The following SYBU variants were observed in gnomAD, a reference collection of about 807,000 sequenced individuals.
SYBU encodes the protein syntabulin.
SYBU carries 21 observed loss-of-function variants against 35.9 expected under a neutral mutation model. That is an observed-to-expected ratio of 0.58 (90% CI 0.41 to 0.84). The LOEUF (loss-of-function observed/expected upper bound fraction) is 0.84, where lower values mean the gene tolerates loss of function less well. Ranked by LOEUF, SYBU falls within the 40% of genes least tolerant of loss-of-function variation. The probability of loss-of-function intolerance (pLI) is 0.00; values close to 1 mark genes in which losing one functional copy is unlikely to be tolerated. For synonymous variants in SYBU, 319 were observed against 324.3 expected, an observed-to-expected ratio of 0.98 and a Z score of 0.18; for missense variants, 768 against 848.2, an observed-to-expected ratio of 0.91 and a Z score of 1.17.
At chr8:109,686,925 ATCTC>A (rs1020852646) in intron 1 of SYBU, among the ~76,000 whole-genome samples, 1 of 152,216 alleles carries the variant, frequency 6.6e-6, no homozygotes, top group Middle Eastern at 3.4e-3. Flanking sequence ...TTATTTTGTA[ATCTC>A]TCTCACATCC....
upstream of SYBU, chr8:109,646,999 C>T (rs1815764006): frequency 6.6e-6 from 1 of 152,192 alleles, no homozygotes; most frequent in Admixed American, 6.5e-5. Flanking sequence ...GCCTCTTATT[C>T]CTTTCTCTCC....
chr8:109,651,448 C>CTTT lies in SYBU; in HGVS notation c.-129+29260_-129+29262dup, dbSNP rs535652540. Among the ~76,000 whole-genome samples, 35 of 64,500 alleles carry CTTT rather than the reference C, an allele frequency of 5.4e-4. 4 individuals carry two copies. The highest frequency in any genetic ancestry group is 1.5e-3 in the South Asian group (2 of 1,372). The allele number at this position is 64,500 out of a possible 152,430, so 42.3% of individuals were successfully genotyped here. A position where few individuals can be genotyped will look rare whatever the true frequency, so the allele number is the denominator to read the frequency against. ...GAGTCTCATAGGCCTGAAATTGAGA[C>CTTT]TTTTTTTTTTTTTTTTTTTTTTTTT... On this transcript the variant is annotated intron_variant, in intron 1 of 5. Coordinates refer to the SYBU transcript ENST00000408889.
intron 2 of SYBU, among the ~76,000 whole-genome samples, chr8:109,640,730 G>A (rs1814758898): frequency 7.0e-6 from 1 of 143,050 alleles, no homozygotes; most frequent in Non-Finnish European, 1.5e-5. Flanking sequence ...AAAGAAATAA[G>A]TTTTAAAACA....
chr8:109,668,491 C>G (rs1437121354), intron 1 of SYBU, among the ~76,000 whole-genome samples: 1 of 152,116 alleles, frequency 6.6e-6, no homozygotes, highest in East Asian at 1.9e-4. Flanking sequence ...ACTTGCTTTC[C>G]TTAAAACCTA....
intron 1 of SYBU, among the ~76,000 whole-genome samples, chr8:109,668,565 A>T (rs1184326311): frequency 6.6e-6 from 1 of 152,160 alleles, no homozygotes; most frequent in Non-Finnish European, 1.5e-5. Flanking sequence ...TATGGAGAGT[A>T]GGGGGTAAGG....
intron 6 of SYBU, 48 bp from the exon 7 acceptor site, chr8:109,576,061 A>C (rs774050732): frequency 8.7e-6 from 13 of 1,496,152 alleles, no homozygotes; most frequent in South Asian, 2.7e-5. Flanking sequence ...AAAAAAAAAA[A>C]AAAAAAAAAC....
At position 109,574,773 on chromosome 8, in the gene SYBU, T is replaced by G; in HGVS notation, c.*133A>C. The G allele has an allele frequency of 9.7e-7, 1 of 1,028,768 alleles. No homozygotes were observed. Among genetic ancestry groups the G allele is most frequent in the Non-Finnish European group, 1.4e-6 (1 of 730,312 alleles). 63.7% of individuals were successfully genotyped at this position (1,028,768 alleles called of 1,614,324 possible). The stretch of plus-strand genomic sequence containing the variant: ...TTTTAAACAGTGAACAGGCTTCAAC[T>G]AAATATAGTGCAAATCAAATACCAA... On this transcript the variant is annotated 3_prime_UTR_variant, in exon 7 of 7. Transcript: ENST00000276646.
intron 1 of SYBU, among the ~76,000 whole-genome samples, chr8:109,665,647 G>T (rs1336133569): frequency 1.3e-5 from 2 of 152,154 alleles, no homozygotes; most frequent in Non-Finnish European, 2.9e-5. Context: ...CTATTAATGA[G>T]TTAACGGTCA....
At chr8:109,610,507 G>A (rs974658621) in intron 3 of SYBU, among the ~76,000 whole-genome samples, 6 of 152,240 alleles carry the variant, frequency 3.9e-5, no homozygotes, top group East Asian at 3.9e-4. Flanking sequence ...ATGCCAGTCC[G>A]TGTATGTTGG....
chr8:109,586,339 T>C (rs575326951), intron 3 of SYBU, 177 bp from the exon 4 acceptor site: 1 of 583,666 alleles, frequency 1.7e-6, no homozygotes, highest in African/African-American at 1.9e-5. Flanking sequence ...GAAGGCCCAG[T>C]ACAAGAACAT....
chr8:109,579,054 G>A lies in SYBU; in HGVS notation c.734+745C>T, dbSNP rs139459276. ...CCCTGCTGTAAGAGAGCTGACTGAC[G>A]AGAATAGGGATGCCCAGCAGGAAGA... is the stretch of plus-strand genomic sequence containing the variant. On this transcript the variant is annotated intron_variant, in intron 5 of 6. Transcript: ENST00000276646. Among the ~76,000 whole-genome samples, 36 of 152,240 alleles carry A rather than the reference G, an allele frequency of 2.4e-4. No individual in the cohort carries two copies. In the East Asian group the frequency reaches 5.4e-3, roughly 23 times the overall value.
chr8:109,623,375 T>C lies in SYBU; in HGVS notation c.230-4336A>G, dbSNP rs78810263. Among the ~76,000 whole-genome samples, 625 of 152,322 alleles carry C rather than the reference T, an allele frequency of 4.1e-3. 5 individuals are homozygous for C. The highest frequency in any genetic ancestry group is 4.6e-3 in the African/African-American group (192 of 41,566). On this transcript the variant is annotated intron_variant, in intron 2 of 6. Transcript: ENST00000276646. ...TTCTTTTGTTGTTGTTCTTGTTCAT[T>C]TGCTTAAAATTGGTGAACACACAGG... is the stretch of plus-strand genomic sequence containing the variant.
chr8:109,648,856 A>G (rs907939833), upstream of SYBU: 4 of 151,896 alleles, frequency 2.6e-5, no homozygotes, highest in Non-Finnish European at 5.9e-5. Flanking sequence ...GTCACGAAGG[A>G]AAGAAACTGC....
At chr8:109,577,787 T>C (rs1447908690) in intron 6 of SYBU, 81 bp downstream of exon 6, 31 of 1,398,492 alleles carry the variant, frequency 2.2e-5, no homozygotes, top group Middle Eastern at 3.7e-4. Flanking sequence ...CTTTTCTATC[T>C]TTCTATAGTT....
At chr8:109,689,755 A>G (rs1450385404) in intron 1 of SYBU, among the ~76,000 whole-genome samples, 1 of 148,866 alleles carries the variant, frequency 6.7e-6, no homozygotes, top group Non-Finnish European at 1.5e-5. Context: ...CCCTCATCCC[A>G]TCTCCAAACC....
intron 1 of SYBU, among the ~76,000 whole-genome samples, chr8:109,676,784 A>T (rs1296762920): frequency 6.6e-6 from 1 of 152,236 alleles, no homozygotes; most frequent in Admixed American, 6.5e-5. Context: ...ATGATTAAAA[A>T]TGACTTAAAT....
intron 1 of SYBU, among the ~76,000 whole-genome samples, chr8:109,658,397 C>T (rs991248671): frequency 6.6e-6 from 1 of 152,166 alleles, no homozygotes; most frequent in Admixed American, 6.5e-5. Context: ...TCTCAATTCA[C>T]GAAGACAAAC....
At chr8:109,684,034 G>A (rs370697760), upstream of SYBU, among the ~76,000 whole-genome samples, 5 of 152,292 alleles carry the variant, frequency 3.3e-5, no homozygotes, top group East Asian at 9.6e-4. Flanking sequence ...CCCAGTCTCA[G>A]ATATGTCTTT....
Position 109,577,979 on chromosome 8 carries a change from C to CCATG in SYBU, c.769_772dup (p.Gly258AlafsTer33). ...CTGCTCTGGGTTTGGGGGTCTGACA[C>CCATG]CATGATTTTCACCGCAAGACATGTA... On this transcript the variant is annotated frameshift_variant, in exon 6 of 7. Coordinates refer to ENST00000276646, the MANE Select transcript of SYBU (RefSeq NM_001099754.2). LOFTEE classifies it high-confidence loss of function. The CCATG allele has an allele frequency of 6.2e-7, 1 of 1,613,800 alleles. No individual in the cohort carries two copies. The highest frequency in any genetic ancestry group is 8.5e-7 in the Non-Finnish European group (1 of 1,179,882).
Sources: gnomAD v4.1 joint callset for allele counts (sites outside exome capture counted in the v4.1 genomes callset) on GRCh38, gnomAD v4.1.1 for gene constraint, MANE v1.5 for transcripts, NCBI Gene and HGNC (gene_info 2026-07-23, HGNC 2026-07-21) for gene names.